Variants in CNIH2 observed in about 807,000 individuals in gnomAD.
CNIH2 encodes cornichon family AMPA receptor auxiliary protein 2, also known as protein cornichon homolog 2.
A neutral mutation model predicts 22.9 loss-of-function variants in CNIH2; 8 were observed. The ratio of observed to expected loss-of-function variants is 0.35; its 90% CI spans 0.20 to 0.63. The LOEUF is 0.63. Ranked by LOEUF, CNIH2 falls within the 30% of genes least tolerant of loss-of-function variation. The pLI, the probability that CNIH2 is intolerant of heterozygous loss-of-function variation, is 0.72. For synonymous variants in CNIH2, 74 were observed against 78.2 expected (o/e 0.95, Z 0.28); for missense variants, 105 against 206.2 (o/e 0.51, Z 3.01).
rs1392291082 is a variant in CNIH2, at chr11:66,282,393, G to A, written c.150+66G>A. Reference sequence around the variant, plus strand: ...CTGTCTTTCCATCTGTCGTGGGCTGGGGGTGGGAGACGGGAAGACGGGGGT... The same window carrying A: ...CTGTCTTTCCATCTGTCGTGGGCTGAGGGTGGGAGACGGGAAGACGGGGGT... On this transcript the variant is annotated intron_variant, in intron 2 of 5. Transcript: ENST00000311445. The A allele has an allele frequency of 3.5e-6, 5 of 1,441,680 alleles. No individual in the cohort carries two copies. The South Asian group carries it at 4.8e-5, about 14-fold the overall frequency. 89.3% of individuals were successfully genotyped at this position (1,441,680 alleles called of 1,614,324 possible).
chr11:66,281,705 G>A (rs927874826), intron 1 of CNIH2: 9 of 350,982 alleles, frequency 2.6e-5, no homozygotes, highest in African/African-American at 1.3e-4. Flanking sequence ...CATGAAACCC[G>A]CAGCCTCCTG....
intron 1 of CNIH2, among the ~76,000 whole-genome samples, chr11:66,279,368 G>A (rs1172397741): frequency 6.6e-6 from 1 of 151,580 alleles, no homozygotes; most frequent in Non-Finnish European, 1.5e-5. Flanking sequence ...CCTGGCTCCC[G>A]TCCCCTCACT....
At chr11:66,281,988 G>C (rs1329658893) in intron 1 of CNIH2, among the ~76,000 whole-genome samples, 3 of 152,098 alleles carry the variant, frequency 2.0e-5, no homozygotes, top group African/African-American at 4.8e-5. Context: ...CCTGAGACTT[G>C]GCAGGGCAGA....
chr11:66,280,934 C>T (rs1857250438), intron 1 of CNIH2, among the ~76,000 whole-genome samples: 1 of 152,166 alleles, frequency 6.6e-6, no homozygotes, highest in Admixed American at 6.5e-5. Flanking sequence ...CAGCCCATTT[C>T]CCCCAAGTCA....
At chr11:66,283,190 G>C in intron 4 of CNIH2, 43 bp downstream of exon 4, 1 of 1,613,802 alleles carries the variant, frequency 6.2e-7, no homozygotes, top group Non-Finnish European at 8.5e-7. Flanking sequence ...ATGGGGAACA[G>C]GGGCAGGATG....
At chr11:66,282,592 G>T (rs2134880784) in intron 2 of CNIH2, 141 bp from the exon 3 acceptor site, 18 of 1,034,972 alleles carry the variant, frequency 1.7e-5, no homozygotes, top group Non-Finnish European at 2.6e-5. Context: ...CCATGGGGAC[G>T]GCGCGGCTGC....
intron 1 of CNIH2, 98 bp downstream of exon 1, chr11:66,278,635 A>T (rs1857201823): frequency 1.2e-6 from 1 of 844,556 alleles, no homozygotes; most frequent in African/African-American, 1.8e-5. Flanking sequence ...AGCCCAGGGG[A>T]AACTTGCTAT....
In CNIH2 at chr11:66,278,420, G is replaced by T; in HGVS notation, c.-37G>T. 1.9e-6 allele frequency: 2 copies of T among 1,060,812 alleles called. No homozygotes were observed. The highest frequency in any genetic ancestry group is 4.2e-4 in the Middle Eastern group (1 of 2,362). 65.7% of individuals were successfully genotyped at this position (1,060,812 alleles called of 1,614,324 possible). A position where few individuals can be genotyped will look rare whatever the true frequency, so the allele number is the denominator to read the frequency against. On this transcript the variant is annotated 5_prime_UTR_variant, in exon 1 of 6. Coordinates refer to ENST00000311445, the MANE Select transcript of CNIH2 (RefSeq NM_182553.3). Reference sequence around the variant, plus strand: ...GCGTCCCCTTGCGCCCGGGCCCCGCGCTGGCGCCCCCCGGGCCGCCGCCCG... The same window carrying T: ...GCGTCCCCTTGCGCCCGGGCCCCGCTCTGGCGCCCCCCGGGCCGCCGCCCG...
rs1477555398 is a variant in CNIH2, at chr11:66,278,270, CCCCCGAGCCCACCGGCCCGCG to C, written c.-181_-161del. Reference sequence around the variant, plus strand: ...CCCGGGCAGCCGGCAGCGGACGCGCCCCCCGAGCCCACCGGCCCGCGCCCCGCGCCCCCCACGGCCCCGCGG... The same window carrying C: ...CCCGGGCAGCCGGCAGCGGACGCGCCCCCCGCGCCCCCCACGGCCCCGCGG... On this transcript the variant is annotated 5_prime_UTR_variant, in exon 1 of 6. Transcript: ENST00000311445. The C allele has an allele frequency of 6.8e-6, 1 of 147,448 alleles. No homozygotes were observed. Among genetic ancestry groups the C allele is most frequent in the Non-Finnish European group, 1.5e-5 (1 of 66,292 alleles). The allele number at this position is 147,448 out of a possible 1,614,324, so 9.1% of individuals were successfully genotyped here.
At chr11:66,281,179 C>T (rs1857253870) in intron 1 of CNIH2, among the ~76,000 whole-genome samples, 1 of 152,178 alleles carries the variant, frequency 6.6e-6, no homozygotes, top group Non-Finnish European at 1.5e-5. Context: ...CACCATCAGC[C>T]CTGCCCCTAA....
At chr11:66,282,159 C>T in intron 1 of CNIH2, 100 bp from the exon 2 acceptor site, 1 of 1,053,102 alleles carries the variant, frequency 9.5e-7, no homozygotes, top group Non-Finnish European at 1.5e-6. Flanking sequence ...CAACAAGCTC[C>T]ACCTGGCTGG....
chr11:66,279,245 AG>A (rs1857220867), intron 1 of CNIH2, among the ~76,000 whole-genome samples: 1 of 150,774 alleles, frequency 6.6e-6, no homozygotes, highest in Non-Finnish European at 1.5e-5. Context: ...GCCCTGGCCT[AG>A]CCTCACACCT....
chr11:66,279,084 C>A (rs2134875372), intron 1 of CNIH2, among the ~76,000 whole-genome samples: 1 of 150,274 alleles, frequency 6.7e-6, no homozygotes, highest in South Asian at 2.1e-4. Context: ...CCCCCAGAGA[C>A]CTAGCCCCCA....
intron 2 of CNIH2, 96 bp downstream of exon 2, chr11:66,282,423 T>TTGGGGGGGGGGGGGG: frequency 1.4e-5 from 2 of 147,066 alleles, no homozygotes; most frequent in Admixed American, 8.8e-5. Context: ...GGGGGTGGGG[T>TTGGGGGGGGGGGGGG]GGGGGGCCTA....
chr11:66,282,890 T>A lies in CNIH2; in HGVS notation c.198+110T>A, dbSNP rs994049751. 4 of 1,403,630 alleles carry A rather than the reference T, an allele frequency of 2.8e-6. No individual in the cohort carries two copies. In the African/African-American group the frequency reaches 5.7e-5, roughly 20 times the overall value. 86.9% of individuals were successfully genotyped at this position (1,403,630 alleles called of 1,614,324 possible). A position where few individuals can be genotyped will look rare whatever the true frequency, so the allele number is the denominator to read the frequency against. On this transcript the variant is annotated intron_variant, in intron 3 of 5. Transcript: ENST00000311445. ...TTGGGCCTGTTTGATCCACTCTACT[T>A]GGGAGGGAGTGGGAAGCCAGAGGCC...
intron 2 of CNIH2, 183 bp downstream of exon 2, chr11:66,282,510 G>A (rs1281777096): frequency 5.7e-6 from 5 of 884,308 alleles, no homozygotes; most frequent in Non-Finnish European, 8.9e-6. Context: ...TCCTCTTGGC[G>A]GGGCGGTGGT....
At position 66,282,682 on chromosome 11, in the gene CNIH2, CA is replaced by C; in HGVS notation, c.151-50del. 5 of 1,607,136 alleles carry C rather than the reference CA, an allele frequency of 3.1e-6. No individual in the cohort carries two copies. In the East Asian group the frequency reaches 1.1e-4, roughly 36 times the overall value. On this transcript the variant is annotated intron_variant, in intron 2 of 5. Transcript: ENST00000311445. ...ACATGTGGAGCGGTGGGAGCTGCTC[CA>C]GTACCTGCTTCTCCGCCACCCCATC...
chr11:66,281,492 A>T, intron 1 of CNIH2: 1 of 456,200 alleles, frequency 2.2e-6, no homozygotes, highest in Non-Finnish European at 4.4e-6. Flanking sequence ...TGAGACATGG[A>T]CCAATCCTAA....
intron 2 of CNIH2, 102 bp downstream of exon 2, chr11:66,282,429 G>GGGTTGGGGGGGGGGGGGGGGGGGGC: frequency 8.3e-6 from 4 of 479,464 alleles, no homozygotes; most frequent in East Asian, 5.8e-5. Flanking sequence ...GGGGTGGGGG[G>GGGTTGGGGGGGGGGGGGGGGGGGGC]CCTACGGCCA....
Sources: allele counts gnomAD v4.1 joint callset (sites outside exome capture counted in the v4.1 genomes callset), GRCh38; gene constraint gnomAD v4.1.1; transcripts MANE v1.5; gene names NCBI Gene and HGNC (gene_info 2026-07-23, HGNC 2026-07-21).